The following RERG variants were observed in gnomAD, a reference collection of about 807,000 sequenced individuals.
RERG encodes the protein ras-related and estrogen-regulated growth inhibitor.
Under a neutral mutation model 23.2 loss-of-function variants are expected in RERG, and 25 were observed. The ratio of observed to expected loss-of-function variants is 1.08; its 90% CI spans 0.79 to 1.50. RERG has a LOEUF of 1.50. Ranked by LOEUF, RERG falls within the 40% of genes most tolerant of loss-of-function variation. The pLI is 0.00. For missense variants in RERG, 253 were observed against 250.1 expected (o/e 1.01, Z -0.08); for synonymous variants, 81 against 89.1 (o/e 0.91, Z 0.51).
At chr12:15,143,467 C>A (rs1864275771) in intron 2 of RERG, among the ~76,000 whole-genome samples, 1 of 151,294 alleles carries the variant, frequency 6.6e-6, no homozygotes, top group Non-Finnish European at 1.5e-5. Context: ...GAGTTCAAGA[C>A]AACTGCTCAT....
At chr12:15,212,050 T>TC (rs1341202668) in intron 2 of RERG, among the ~76,000 whole-genome samples, 1 of 114,988 alleles carries the variant, frequency 8.7e-6, no homozygotes, top group Admixed American at 8.3e-5. Context: ...AACTTTTTTT[T>TC]TTTTTTTTTT....
At chr12:15,128,650 A>AC (rs1484804882) in intron 2 of RERG, among the ~76,000 whole-genome samples, 1 of 152,238 alleles carries the variant, frequency 6.6e-6, no homozygotes, top group Non-Finnish European at 1.5e-5. Flanking sequence ...AGCTGGACTC[A>AC]CTCAAGTGCC....
chr12:15,173,777 A>G (rs1435268175), intron 2 of RERG, among the ~76,000 whole-genome samples: 1 of 151,514 alleles, frequency 6.6e-6, no homozygotes, highest in East Asian at 1.9e-4. Flanking sequence ...TTAATTTTGC[A>G]TTGTTAGTAT....
At chr12:15,176,630 G>A (rs1452986309) in intron 2 of RERG, among the ~76,000 whole-genome samples, 1 of 152,106 alleles carries the variant, frequency 6.6e-6, no homozygotes, top group Non-Finnish European at 1.5e-5. Flanking sequence ...AATAGAAATT[G>A]CAAGATAAAT....
intron 2 of RERG, among the ~76,000 whole-genome samples, chr12:15,141,093 T>C (rs1335959443): frequency 2.6e-5 from 4 of 152,036 alleles, no homozygotes; most frequent in African/African-American, 9.7e-5. Context: ...TGTTCATTTT[T>C]ATATTTTTCA....
In RERG at chr12:15,221,185, T is replaced by G. The variant is rs1865507763; in HGVS notation, c.-115+10A>C. ...CGAAAGAGCTGCCTGGACACGTGCG[T>G]GACACTCACCTGTTCACACTCTCCA... On this transcript the variant is annotated intron_variant, in intron 1 of 4. Transcript: ENST00000256953. The G allele has an allele frequency of 1.3e-5, 2 of 152,202 alleles. No individual in the cohort carries two copies. Among genetic ancestry groups the G allele is most frequent in the Non-Finnish European group, 2.9e-5 (2 of 68,088 alleles). The allele number at this position is 152,202 out of a possible 1,614,324, so 9.4% of individuals were successfully genotyped here.
intron 2 of RERG, among the ~76,000 whole-genome samples, chr12:15,133,138 C>A (rs1262613607): frequency 1.1e-5 from 1 of 91,332 alleles, no homozygotes; most frequent in African/African-American, 4.7e-5. Context: ...GGTTGTATAT[C>A]CTGTGGAGAT....
intron 2 of RERG, among the ~76,000 whole-genome samples, chr12:15,209,614 T>G (rs1433178338): frequency 1.3e-5 from 2 of 152,214 alleles, no homozygotes; most frequent in Non-Finnish European, 2.9e-5. Context: ...CTATTTTGGT[T>G]GATAACACAC....
Position 15,109,370 on chromosome 12 carries a change from T to A in RERG, c.340A>T (p.Ile114Phe). 1.2e-6 allele frequency: 2 copies of A among 1,614,120 alleles called. No individual in the cohort carries two copies. The highest frequency in any genetic ancestry group is 1.7e-6 in the Non-Finnish European group (2 of 1,180,014). ...AAGTCAGCTTTGTTTCCAACCAAGA[T>A]GAGAGTCACATTCTTGGGCTTTTTG... Reference protein sequence around the residue: ...EIKKPKNVTLILVGNKADLDH... With the variant: ...EIKKPKNVTLFLVGNKADLDH... The change falls in exon 5 of 5, where the codon ATC (isoleucine) becomes TTC (phenylalanine). Residue 114 changes from isoleucine to phenylalanine, a missense_variant. By Grantham distance (21) the Ile-to-Phe change is conservative (BLOSUM62 0). Transcript: ENST00000256953.
At chr12:15,202,596 C>A (rs1048253545) in intron 2 of RERG, among the ~76,000 whole-genome samples, 1 of 151,648 alleles carries the variant, frequency 6.6e-6, no homozygotes, top group African/African-American at 2.4e-5. Context: ...GTTTTCCAGG[C>A]CCATCCATGT....
intron 2 of RERG, among the ~76,000 whole-genome samples, chr12:15,134,175 A>G (rs1449922291): frequency 6.6e-6 from 1 of 150,876 alleles, no homozygotes; most frequent in Non-Finnish European, 1.5e-5. Flanking sequence ...ACCATACCCA[A>G]GGTCACACAG....
At chr12:15,111,829 C>T (rs900496238) in intron 3 of RERG, among the ~76,000 whole-genome samples, 6 of 151,944 alleles carry the variant, frequency 3.9e-5, no homozygotes, top group Admixed American at 2.6e-4. Flanking sequence ...GTGCCTTCCA[C>T]AACACCCAGC....
chr12:15,141,603 T>C (rs924882723), intron 2 of RERG, among the ~76,000 whole-genome samples: 1 of 152,238 alleles, frequency 6.6e-6, no homozygotes, highest in East Asian at 1.9e-4. Context: ...TCAGGTGAAC[T>C]GATCTTGCCT....
chr12:15,122,167 A>G (rs1863844800), intron 2 of RERG, among the ~76,000 whole-genome samples: 2 of 152,154 alleles, frequency 1.3e-5, no homozygotes, highest in Non-Finnish European at 2.9e-5. Flanking sequence ...TAGACCCCTG[A>G]TGGCCTCCCA....
At chr12:15,206,651 G>A (rs1014578889) in intron 2 of RERG, among the ~76,000 whole-genome samples, 1 of 152,070 alleles carries the variant, frequency 6.6e-6, no homozygotes, top group South Asian at 2.1e-4. Flanking sequence ...CTCTGCTGGT[G>A]ATCCCGAGGC....
intron 2 of RERG, among the ~76,000 whole-genome samples, chr12:15,159,875 C>T (rs1301233114): frequency 6.6e-6 from 1 of 151,992 alleles, no homozygotes; most frequent in African/African-American, 2.4e-5. Flanking sequence ...ACAAAAAATC[C>T]CAACCAAATT....
intron 2 of RERG, among the ~76,000 whole-genome samples, chr12:15,161,188 A>AAGAAAGAAAGAC: frequency 6.7e-6 from 1 of 149,216 alleles, no homozygotes; most frequent in South Asian, 2.2e-4. Context: ...GAAAGAAAGA[A>AAGAAAGAAAGAC]AGAAAGAAAG....
chr12:15,186,585 T>A (rs531305201), intron 2 of RERG, among the ~76,000 whole-genome samples: 85 of 150,872 alleles, frequency 5.6e-4, no homozygotes, highest in African/African-American at 2.0e-3. Context: ...GAAGAGAAGG[T>A]GGAAGAAGAG....
intron 2 of RERG, among the ~76,000 whole-genome samples, chr12:15,167,766 T>C (rs1245016565): frequency 6.6e-6 from 1 of 152,196 alleles, no homozygotes; most frequent in African/African-American, 2.4e-5. Context: ...CTTCCCTGTT[T>C]AACATTTCTA....
Sources: gnomAD v4.1 joint callset for allele counts (sites outside exome capture counted in the v4.1 genomes callset) on GRCh38, gnomAD v4.1.1 for gene constraint, MANE v1.5 for transcripts, NCBI Gene and HGNC (gene_info 2026-07-23, HGNC 2026-07-21) for gene names.